The following LRRC3C variants were observed in gnomAD, a reference collection of about 807,000 sequenced individuals.
LRRC3C encodes leucine-rich repeat-containing protein 3C.
Under a neutral mutation model 14.8 loss-of-function variants are expected in LRRC3C, and 11 were observed. The observed-to-expected ratio is 0.74, with a 90% CI of 0.47 to 1.23. The LOEUF (loss-of-function observed/expected upper bound fraction) is 1.23. Among genes scored for constraint, LRRC3C ranks in the 50% most tolerant of loss-of-function variants. The probability of loss-of-function intolerance (pLI) is 0.00; values close to 1 mark genes in which losing one functional copy is unlikely to be tolerated. For missense variants in LRRC3C, 354 were observed against 361.8 expected (o/e 0.98, Z 0.18); for synonymous variants, 149 against 161.5 (o/e 0.92, Z 0.59).
At chr17:39,941,964 T>C (rs1978952656) in intron 3 of LRRC3C, among the ~76,000 whole-genome samples, 1 of 152,076 alleles carries the variant, frequency 6.6e-6, no homozygotes, top group Non-Finnish European at 1.5e-5. Context: ...GGAGGCACCA[T>C]GTGGTTGGAC....
In LRRC3C at chr17:39,941,527, C is replaced by T. The variant is rs774102986; in HGVS notation, c.4C>T (p.Arg2Cys). 4.6e-6 allele frequency: 7 copies of T among 1,535,552 alleles called. No individual in the cohort carries two copies. Among genetic ancestry groups the T allele is most frequent in the South Asian group, 3.6e-5 (3 of 84,040 alleles). The change falls in exon 3 of 4, where the codon CGT becomes TGT. Residue 2 changes from arginine (R) to cysteine (C), a missense_variant. By Grantham distance (180) the Arg-to-Cys change is radical. Transcript: ENST00000377924. The stretch of plus-strand genomic sequence containing the variant: ...ATCCTTCTCAGAAAGGTCTCCAATG[C>T]GTATGACCTCATCTTCCTTCGTGTA... Reference protein sequence around the residue: MRMTSSSFVSYC... With the variant: MCMTSSSFVSYC...
Position 39,940,406 on chromosome 17 carries a change from A to C in LRRC3C, c.-81-1037A>C, listed in dbSNP as rs771127062. On this transcript the variant is annotated intron_variant, in intron 2 of 3. Coordinates refer to ENST00000377924, the MANE Select transcript of LRRC3C (RefSeq NM_001195545.2). Reference sequence around the variant, plus strand: ...CACTCTGCTGCTGTCGTCATCTTAAAATTCTTTTTTATTTTTATTTTTTAG... The same window carrying C: ...CACTCTGCTGCTGTCGTCATCTTAACATTCTTTTTTATTTTTATTTTTTAG... 2.4e-4 allele frequency among the ~76,000 whole-genome samples: 36 copies of C among 152,036 alleles called. 1 individual carries two copies. Among genetic ancestry groups the C allele is most frequent in the Non-Finnish European group, 4.6e-4 (31 of 67,964 alleles).
intron 2 of LRRC3C, among the ~76,000 whole-genome samples, chr17:39,937,832 T>C (rs904963700): frequency 2.6e-5 from 4 of 152,122 alleles, no homozygotes; most frequent in African/African-American, 9.7e-5. Context: ...GAGGAGCTTT[T>C]GAAAATTCCC....
At chr17:39,933,064 A>G (rs113944426) in intron 1 of LRRC3C, among the ~76,000 whole-genome samples, 41 of 149,716 alleles carry the variant, frequency 2.7e-4, no homozygotes, top group Admixed American at 4.6e-4. Flanking sequence ...AAAAATAAAG[A>G]AAGGAAGGAA....
intron 1 of LRRC3C, among the ~76,000 whole-genome samples, chr17:39,935,583 G>A (rs142535487): frequency 2.0e-5 from 3 of 151,854 alleles, no homozygotes. Context: ...AACCCAGGAG[G>A]TTGAGGCTGC....
intron 2 of LRRC3C, 33 bp from the exon 3 acceptor site, chr17:39,941,410 C>G: frequency 1.4e-6 from 1 of 719,882 alleles, no homozygotes; most frequent in Non-Finnish European, 2.3e-6. Context: ...AAGGGACCCC[C>G]CCACACACAC....
chr17:39,931,983 T>G (rs994206720), intron 1 of LRRC3C, among the ~76,000 whole-genome samples: 2 of 152,072 alleles, frequency 1.3e-5, no homozygotes, highest in African/African-American at 4.8e-5. Context: ...TTTAAAACTG[T>G]TCATAATAAA....
Position 39,931,646 on chromosome 17 carries a change from C to CT in LRRC3C, c.-175+3853dup, listed in dbSNP as rs60209396. 4.1e-3 allele frequency among the ~76,000 whole-genome samples: 387 copies of CT among 93,496 alleles called. 4 individuals are homozygous for CT. Among genetic ancestry groups the CT allele is most frequent in the Non-Finnish European group, 6.1e-3 (308 of 50,240 alleles). 61.3% of individuals were successfully genotyped at this position (93,496 alleles called of 152,430 possible). On this transcript the variant is annotated intron_variant, in intron 1 of 3. Coordinates refer to ENST00000377924, the MANE Select transcript of LRRC3C (RefSeq NM_001195545.2). ...GAAGTTCCTTATATTATTTTCTATA[C>CT]TTTTTTTTTTTTTTTTTTTTTGAGA...
In LRRC3C at chr17:39,933,921, T is replaced by C. The variant is rs1389503315; in HGVS notation, c.-174-1881T>C. ...TTGACAGTTGTGTTTTTATTTTTGT[T>C]TGGGTGGGGGATACCCCAGGCATGT... On this transcript the variant is annotated intron_variant, in intron 1 of 3. Transcript: ENST00000377924. Among the ~76,000 whole-genome samples, 9 of 152,138 alleles carry C rather than the reference T, an allele frequency of 5.9e-5. 1 individual carries two copies. Among genetic ancestry groups the C allele is most frequent in the Admixed American group, 5.2e-4 (8 of 15,278 alleles).
chr17:39,941,370 A>AT, intron 2 of LRRC3C, 73 bp from the exon 3 acceptor site: 2 of 426,016 alleles, frequency 4.7e-6, no homozygotes, highest in Non-Finnish European at 4.2e-6. Flanking sequence ...AAAAAAAAAA[A>AT]GGAAGAAATT....
Position 39,943,952 on chromosome 17 carries a change from C to G in LRRC3C, c.46C>G (p.Leu16Val), listed in dbSNP as rs1269698383. 2 of 1,536,170 alleles carry G rather than the reference C, an allele frequency of 1.3e-6. No individual in the cohort carries two copies. Among genetic ancestry groups the G allele is most frequent in the Non-Finnish European group, 8.7e-7 (1 of 1,146,904 alleles). ...SSFVSYCTPG[L>V]CQFMAMLPTA... ...CCCCAGATCCTACTGCACTCCAGGACTATGCCAATTTATGGCCATGCTCCC... is the reference window on the plus strand; with the variant it reads ...CCCCAGATCCTACTGCACTCCAGGAGTATGCCAATTTATGGCCATGCTCCC... The change falls in exon 4 of 4, where the codon CTA becomes GTA. Residue 16 changes from leucine to valine, a missense_variant. Coordinates refer to ENST00000377924, the MANE Select transcript of LRRC3C (RefSeq NM_001195545.2).
At chr17:39,930,277 CAAAAAA>C (rs61165669) in intron 1 of LRRC3C, among the ~76,000 whole-genome samples, 149 of 57,562 alleles carry the variant, frequency 2.6e-3, no homozygotes, top group African/African-American at 0.011. Flanking sequence ...GATCCTGTCT[CAAAAAA>C]AAAAAAAAAA....
At chr17:39,942,272 G>C (rs1240685756) in intron 3 of LRRC3C, among the ~76,000 whole-genome samples, 1 of 152,180 alleles carries the variant, frequency 6.6e-6, no homozygotes, top group African/African-American at 2.4e-5. Context: ...GACATGCCCA[G>C]GTCACACACT....
rs1978939640 is a variant in LRRC3C at position 39,941,494 on chromosome 17, C to T, written c.-30C>T. 1.3e-6 allele frequency: 2 copies of T among 1,534,266 alleles called. No homozygotes were observed. The highest frequency in any genetic ancestry group is 2.7e-5 in the African/African-American group (2 of 73,056). On this transcript the variant is annotated 5_prime_UTR_variant, in exon 3 of 4. Coordinates refer to ENST00000377924, the MANE Select transcript of LRRC3C (RefSeq NM_001195545.2). ...TCACCCATAGTCTTCCAAAATCCAGCAAGAAAAATCCTTCTCAGAAAGGTC... is the reference window on the plus strand; with the variant it reads ...TCACCCATAGTCTTCCAAAATCCAGTAAGAAAAATCCTTCTCAGAAAGGTC...
intron 1 of LRRC3C, among the ~76,000 whole-genome samples, chr17:39,933,583 A>C (rs534478982): frequency 6.6e-6 from 1 of 152,208 alleles, no homozygotes; most frequent in East Asian, 1.9e-4. Context: ...AAATACAAAA[A>C]TTAGCCGGGC....
intron 1 of LRRC3C, among the ~76,000 whole-genome samples, chr17:39,933,774 G>A (rs1231304941): frequency 1.3e-5 from 2 of 152,124 alleles, no homozygotes. Context: ...CCCTTCCCCT[G>A]GGGGAAAGAA....
chr17:39,930,832 TG>T (rs1978630634), intron 1 of LRRC3C, among the ~76,000 whole-genome samples: 1 of 151,952 alleles, frequency 6.6e-6, no homozygotes, highest in African/African-American at 2.4e-5. Context: ...GTGGTAAGGT[TG>T]TTTTTTTAAT....
rs373245002 is a variant in LRRC3C, at chr17:39,943,189, C to T, written c.27-744C>T. ...TTGGGTCCCAGCCCCCAACTTCCAG[C>T]AGCTACGAGCAAACAGGGCTTCTGG... On this transcript the variant is annotated intron_variant, in intron 3 of 3. Coordinates refer to ENST00000377924, the MANE Select transcript of LRRC3C (RefSeq NM_001195545.2). Among the ~76,000 whole-genome samples the T allele has an allele frequency of 1.6e-3, 243 of 152,326 alleles. 9 individuals are homozygous for T. The South Asian group carries it at 0.049, about 30-fold the overall frequency.
intron 2 of LRRC3C, chr17:39,939,308 T>C (rs983375915): frequency 6.2e-6 from 6 of 970,254 alleles, no homozygotes; most frequent in Non-Finnish European, 7.4e-6. Context: ...GCCATGTTAT[T>C]AATACTTATT....
Sources: gnomAD v4.1 joint callset for allele counts (sites outside exome capture counted in the v4.1 genomes callset) on GRCh38, gnomAD v4.1.1 for gene constraint, MANE v1.5 for transcripts, NCBI Gene and HGNC (gene_info 2026-07-23, HGNC 2026-07-21) for gene names.